Variants in ZDHHC20 observed in about 807,000 individuals in gnomAD.
The protein encoded by ZDHHC20 is zDHHC palmitoyltransferase 20.
A neutral mutation model predicts 57.8 loss-of-function variants in ZDHHC20; 43 were observed. The observed-to-expected ratio is 0.74, with a 90% CI of 0.58 to 0.96. ZDHHC20 has a LOEUF of 0.96. Among genes scored for constraint, ZDHHC20 ranks in the 40% least tolerant of loss-of-function variants. ZDHHC20 has a pLI of 0.00. For missense variants in ZDHHC20, 391 were observed against 441.1 expected, an observed-to-expected ratio of 0.89 and a Z score of 1.02; for synonymous variants, 157 against 153.0, an observed-to-expected ratio of 1.03 and a Z score of -0.19.
At chr13:21,405,982 G>C (rs780934425) in intron 4 of ZDHHC20, among the ~76,000 whole-genome samples, 15 of 152,202 alleles carry the variant, frequency 9.9e-5, no homozygotes, top group Non-Finnish European at 1.9e-4. Flanking sequence ...CTGTGAGGCA[G>C]TGAAAACATC....
intron 4 of ZDHHC20, 128 bp downstream of exon 4, chr13:21,413,524 T>C: frequency 1.3e-6 from 1 of 757,866 alleles, no homozygotes. Flanking sequence ...AGGAAAGTCT[T>C]GTTGCTACAG....
chr13:21,375,959 A>G lies in ZDHHC20; in HGVS notation c.*737T>C, dbSNP rs1385499361. On this transcript the variant is annotated 3_prime_UTR_variant, in exon 13 of 13. Coordinates refer to ENST00000400590, the MANE Select transcript of ZDHHC20 (RefSeq NM_001330059.2). ...AAAAAAGCTATAAAATAGCAGAGAG[A>G]ACCCAAAATATTTCTTATACTGCCA... 1 of 152,144 alleles carries G rather than the reference A, an allele frequency of 6.6e-6. No individual in the cohort carries two copies. The highest frequency in any genetic ancestry group is 1.5e-5 in the Non-Finnish European group (1 of 68,014). 9.4% of individuals were successfully genotyped at this position (152,144 alleles called of 1,614,324 possible). A position where few individuals can be genotyped will look rare whatever the true frequency, so the allele number is the denominator to read the frequency against.
At chr13:21,428,937 A>G (rs1200906779) in intron 1 of ZDHHC20, among the ~76,000 whole-genome samples, 1 of 152,166 alleles carries the variant, frequency 6.6e-6, no homozygotes, top group Admixed American at 6.5e-5. Flanking sequence ...TATTAGGCAC[A>G]CTAAATGTTT....
chr13:21,409,528 C>T (rs527680239), intron 4 of ZDHHC20, among the ~76,000 whole-genome samples: 1 of 152,080 alleles, frequency 6.6e-6, no homozygotes, highest in African/African-American at 2.4e-5. Context: ...GGCTAGTGGT[C>T]TATTTTGTTA....
chr13:21,458,997 A>C (rs1027660061), intron 1 of ZDHHC20, 57 bp downstream of exon 1: 6 of 1,412,248 alleles, frequency 4.2e-6, no homozygotes, highest in Middle Eastern at 1.9e-4. Flanking sequence ...GCAGAGGCCT[A>C]TCTCGCGCCC....
At chr13:21,407,288 C>G (rs557829054) in intron 4 of ZDHHC20, among the ~76,000 whole-genome samples, 2 of 152,184 alleles carry the variant, frequency 1.3e-5, no homozygotes, top group South Asian at 4.1e-4. Context: ...GCCACCACAC[C>G]CAGTTTCTTT....
intron 4 of ZDHHC20, 60 bp downstream of exon 4, chr13:21,413,592 T>A: frequency 6.8e-7 from 1 of 1,480,880 alleles, no homozygotes; most frequent in Non-Finnish European, 9.0e-7. Context: ...AAATATATCC[T>A]GGCAGGAATA....
intron 4 of ZDHHC20, among the ~76,000 whole-genome samples, chr13:21,409,818 A>G (rs1237025355): frequency 1.3e-5 from 2 of 152,070 alleles, no homozygotes; most frequent in Non-Finnish European, 2.9e-5. Context: ...GCTTCCTTGC[A>G]TTTGGTTAGA....
rs763200217 is a variant in ZDHHC20 at position 21,373,337 on chromosome 13, G to A, written c.*3359C>T. On this transcript the variant is annotated 3_prime_UTR_variant, in exon 13 of 13. Coordinates refer to ENST00000400590, the MANE Select transcript of ZDHHC20 (RefSeq NM_001330059.2). ...TGCCTGATAATCCTTAATTTAAACC[G>A]TCCTGTAAACATAGTCAAAATCTGC... is the stretch of plus-strand genomic sequence containing the variant. 6.6e-5 allele frequency: 10 copies of A among 151,980 alleles called. No homozygotes were observed. Among genetic ancestry groups the A allele is most frequent in the South Asian group, 6.2e-4 (3 of 4,826 alleles). 9.4% of individuals were successfully genotyped at this position (151,980 alleles called of 1,614,324 possible).
At chr13:21,458,329 A>T (rs891299710) in intron 1 of ZDHHC20, among the ~76,000 whole-genome samples, 8 of 152,230 alleles carry the variant, frequency 5.3e-5, no homozygotes, top group Non-Finnish European at 7.3e-5. Flanking sequence ...AACACGCCAA[A>T]ATATGAGTAT....
chr13:21,404,972 T>C (rs1219322772), intron 4 of ZDHHC20, among the ~76,000 whole-genome samples: 1 of 152,164 alleles, frequency 6.6e-6, no homozygotes, highest in African/African-American at 2.4e-5. Context: ...AAATTTGCAT[T>C]AGTTAATATT....
intron 1 of ZDHHC20, among the ~76,000 whole-genome samples, chr13:21,446,612 T>C (rs1483744051): frequency 6.6e-6 from 1 of 152,240 alleles, no homozygotes; most frequent in Non-Finnish European, 1.5e-5. Flanking sequence ...TGGATCTCTA[T>C]TTAAGGGAAT....
intron 1 of ZDHHC20, among the ~76,000 whole-genome samples, chr13:21,446,431 A>T (rs1199663401): frequency 6.6e-6 from 1 of 152,204 alleles, no homozygotes; most frequent in Non-Finnish European, 1.5e-5. Flanking sequence ...TTCACATTTA[A>T]TAAGTTTGTG....
intron 8 of ZDHHC20, among the ~76,000 whole-genome samples, chr13:21,389,134 T>A (rs1464932883): frequency 6.6e-6 from 1 of 152,178 alleles, no homozygotes; most frequent in Non-Finnish European, 1.5e-5. Flanking sequence ...GATAATGGCA[T>A]TAGCTTAAAT....
intron 4 of ZDHHC20, among the ~76,000 whole-genome samples, 187 bp from the exon 5 acceptor site, chr13:21,403,053 G>A (rs1877933445): frequency 6.6e-6 from 1 of 152,120 alleles, no homozygotes; most frequent in Non-Finnish European, 1.5e-5. Context: ...AGAGATAAAA[G>A]AGAACATCAG....
At chr13:21,441,838 A>G (rs1883203959) in intron 1 of ZDHHC20, among the ~76,000 whole-genome samples, 2 of 152,100 alleles carry the variant, frequency 1.3e-5, no homozygotes. Context: ...GCTTTTCAAC[A>G]TACACTATCA....
chr13:21,457,622 G>A (rs954363685), intron 1 of ZDHHC20, among the ~76,000 whole-genome samples: 4 of 152,098 alleles, frequency 2.6e-5, no homozygotes, highest in Admixed American at 1.3e-4. Flanking sequence ...AGGGATAGTC[G>A]TCCCAAAATT....
chr13:21,408,653 A>G (rs1200558182), intron 4 of ZDHHC20, among the ~76,000 whole-genome samples: 1 of 152,170 alleles, frequency 6.6e-6, no homozygotes, highest in Non-Finnish European at 1.5e-5. Context: ...ACTATGTTGA[A>G]TAGGAGTGGT....
intron 1 of ZDHHC20, among the ~76,000 whole-genome samples, chr13:21,453,923 C>A (rs571176115): frequency 3.9e-4 from 60 of 152,224 alleles, no homozygotes; most frequent in African/African-American, 1.3e-3. Flanking sequence ...CATGGCTCAA[C>A]GCAGCCTTGA....
Sources: allele counts gnomAD v4.1 joint callset (sites outside exome capture counted in the v4.1 genomes callset), GRCh38; gene constraint gnomAD v4.1.1; transcripts MANE v1.5; gene names NCBI Gene and HGNC (gene_info 2026-07-23, HGNC 2026-07-21).